Variants in ARFGEF1 observed in about 807,000 individuals in gnomAD.
ARFGEF1 encodes brefeldin A-inhibited guanine nucleotide-exchange protein 1.
ARFGEF1 carries 42 observed loss-of-function variants against 231.0 expected under a neutral mutation model. That is an observed-to-expected ratio of 0.18 (90% CI 0.14 to 0.24). The LOEUF is 0.24. Among genes scored for constraint, ARFGEF1 ranks in the 10% least tolerant of loss-of-function variants. ARFGEF1 has a pLI of 1.00. For missense variants in ARFGEF1, 1,345 were observed against 2,192.0 expected (o/e 0.61, Z 7.72); for synonymous variants, 710 against 732.3 (o/e 0.97, Z 0.49).
Position 67,198,869 on chromosome 8 carries a change from C to T in ARFGEF1, c.*65G>A. On this transcript the variant is annotated 3_prime_UTR_variant, in exon 39 of 39. Coordinates refer to ENST00000262215, the MANE Select transcript of ARFGEF1 (RefSeq NM_006421.5). ...AGAAATCATTTTTCAGGTAGGAAAC[C>T]TCAGCTCCAGCGTCCTTTTAAAGAG... 2 of 1,574,876 alleles carry T rather than the reference C, an allele frequency of 1.3e-6. No individual in the cohort carries two copies. Among genetic ancestry groups the T allele is most frequent in the Non-Finnish European group, 1.7e-6 (2 of 1,166,768 alleles).
chr8:67,294,595 A>G (rs1021699706), intron 5 of ARFGEF1, among the ~76,000 whole-genome samples: 6 of 152,192 alleles, frequency 3.9e-5, no homozygotes, highest in Non-Finnish European at 8.8e-5. Flanking sequence ...TACAAAAGCC[A>G]TATTTCTCAT....
At position 67,284,786 on chromosome 8, in the gene ARFGEF1, T is replaced by C. The variant is rs183487462; in HGVS notation, c.1027+3169A>G. ...CTGCAAGTAAGGACATCTCAGCAGC[T>C]AGCAACAAGAGCATCTTGTAACCAA... On this transcript the variant is annotated intron_variant, in intron 7 of 38. Coordinates refer to ENST00000262215, the MANE Select transcript of ARFGEF1 (RefSeq NM_006421.5). Among the ~76,000 whole-genome samples the C allele has an allele frequency of 1.6e-3, 237 of 152,310 alleles. 1 individual carries two copies. Among genetic ancestry groups the C allele is most frequent in the African/African-American group, 5.3e-3 (222 of 41,562 alleles).
At chr8:67,308,399 G>C (rs1389269844) in intron 1 of ARFGEF1, among the ~76,000 whole-genome samples, 3 of 152,210 alleles carry the variant, frequency 2.0e-5, no homozygotes, top group Non-Finnish European at 4.4e-5. Flanking sequence ...GGTACAAAAG[G>C]ATTGCCAGGA....
intron 1 of ARFGEF1, among the ~76,000 whole-genome samples, chr8:67,325,848 C>T (rs1330989863): frequency 6.6e-6 from 1 of 152,144 alleles, no homozygotes; most frequent in East Asian, 1.9e-4. Context: ...GGAATAAGCA[C>T]AAATTTTAGC....
chr8:67,217,660 C>T (rs1838983846), intron 32 of ARFGEF1, 122 bp downstream of exon 32: 1 of 1,057,816 alleles, frequency 9.5e-7, no homozygotes, highest in African/African-American at 1.6e-5. Flanking sequence ...AAGAGTAAGA[C>T]AAGCTTAAAA....
At chr8:67,186,528 G>A (rs187704089) in intron 5 of ARFGEF1, among the ~76,000 whole-genome samples, 6 of 151,886 alleles carry the variant, frequency 4.0e-5, no homozygotes, top group Admixed American at 1.3e-4. Flanking sequence ...TTGGAATAGA[G>A]GGGGAACTTC....
intron 7 of ARFGEF1, among the ~76,000 whole-genome samples, chr8:67,278,316 G>A (rs77120205): frequency 0.024 from 3,695 of 152,050 alleles, 166 homozygotes; most frequent in African/African-American, 0.084. Context: ...TCTTTGCCTG[G>A]GTTTCTTCAT....
intron 34 of ARFGEF1, among the ~76,000 whole-genome samples, chr8:67,210,352 T>C (rs1356613675): frequency 1.4e-5 from 2 of 147,484 alleles, no homozygotes; most frequent in Non-Finnish European, 3.0e-5. Context: ...TGATGAGGTG[T>C]GCCTGTAGTC....
chr8:67,202,804 G>T (rs142144452), intron 36 of ARFGEF1, among the ~76,000 whole-genome samples: 3 of 152,278 alleles, frequency 2.0e-5, no homozygotes, highest in African/African-American at 7.2e-5. Context: ...TCATGCCAAT[G>T]AGTATCAACA....
At position 67,267,107 on chromosome 8, in the gene ARFGEF1, C is replaced by G; in HGVS notation, c.1796G>C (p.Gly599Ala). Residue 599 changes from glycine to alanine, a missense_variant, in exon 12 of 39, where the codon GGT becomes GCT. Physicochemically the swap from Gly to Ala is moderately conservative, Grantham distance 60. Transcript: ENST00000262215. Reference sequence around the variant, plus strand: ...AGTTCTTACCTGAACATTACTCATACCAAGTTCTTGACTGCCCCTTCCTTG... The same window carrying G: ...AGTTCTTACCTGAACATTACTCATAGCAAGTTCTTGACTGCCCCTTCCTTG... Reference protein sequence around the residue: ...IAQGRGSQELGMSNVQELSLR... With the variant: ...IAQGRGSQELAMSNVQELSLR... 1 of 1,612,946 alleles carries G rather than the reference C, an allele frequency of 6.2e-7. No individual in the cohort carries two copies. Among genetic ancestry groups the G allele is most frequent in the Non-Finnish European group, 8.5e-7 (1 of 1,179,652 alleles).
chr8:67,185,953 C>T (rs1834464086), intron 5 of ARFGEF1, among the ~76,000 whole-genome samples: 1 of 152,154 alleles, frequency 6.6e-6, no homozygotes. Context: ...TCTGTAGGTC[C>T]TTTGCACTTA....
intron 1 of ARFGEF1, among the ~76,000 whole-genome samples, chr8:67,335,514 C>A (rs1808303727): frequency 1.3e-5 from 2 of 152,106 alleles, no homozygotes; most frequent in South Asian, 4.1e-4. Context: ...TAAAAGCATA[C>A]AGACTGAGTA....
chr8:67,272,558 T>A (rs1000444390), intron 9 of ARFGEF1, among the ~76,000 whole-genome samples: 15 of 152,218 alleles, frequency 9.9e-5, no homozygotes, highest in African/African-American at 3.6e-4. Context: ...TGAAGATATA[T>A]GTTGTGTTCC....
rs34386557 is a variant in ARFGEF1 at position 67,319,502 on chromosome 8, C to CA, written c.125-17037dup. ...AGTGTTGGAATTAGACACCCATTTG[C>CA]AAAAAAAAAAAAAAAACTCTTGACC... is the stretch of plus-strand genomic sequence containing the variant. On this transcript the variant is annotated intron_variant, in intron 1 of 38. Transcript: ENST00000262215. 7.9e-3 allele frequency among the ~76,000 whole-genome samples: 818 copies of CA among 103,490 alleles called. 2 individuals carry two copies. The highest frequency in any genetic ancestry group is 0.012 in the African/African-American group (326 of 28,176). 67.9% of individuals were successfully genotyped at this position (103,490 alleles called of 152,430 possible). A position where few individuals can be genotyped will look rare whatever the true frequency, so the allele number is the denominator to read the frequency against.
intron 34 of ARFGEF1, among the ~76,000 whole-genome samples, chr8:67,209,879 A>G (rs917202454): frequency 8.6e-5 from 13 of 151,814 alleles, no homozygotes; most frequent in African/African-American, 2.7e-4. Context: ...CCTGCCGGGC[A>G]CGGTGGCTCA....
At chr8:67,174,917 G>T (rs945319498), downstream of ARFGEF1, 1 of 178,564 alleles carries the variant, frequency 5.6e-6, no homozygotes, top group Non-Finnish European at 1.2e-5. Flanking sequence ...GAGATCAGCC[G>T]TGATTACAGT....
intron 37 of ARFGEF1, among the ~76,000 whole-genome samples, chr8:67,201,195 C>T (rs566220873): frequency 6.6e-6 from 1 of 151,912 alleles, no homozygotes; most frequent in Admixed American, 6.5e-5. Flanking sequence ...ATGGGACTAT[C>T]TTATGACATT....
In ARFGEF1 at chr8:67,258,178, A is replaced by G. The variant is rs1336520096; in HGVS notation, c.2348T>C (p.Met783Thr). ...TGGAAGACGAAATCCTTCTAGAAAC[A>G]TACGAAGGGCTGAAACGAAGTCTTT... is the stretch of plus-strand genomic sequence containing the variant. ...SGKDFVSALR[M>T]FLEGFRLPGE... Residue 783 changes from methionine (M) to threonine (T), a missense_variant, in exon 16 of 39, where the codon ATG becomes ACG. By Grantham distance (81) the Met-to-Thr change is moderately conservative (BLOSUM62 -1). Coordinates refer to ENST00000262215, the MANE Select transcript of ARFGEF1 (RefSeq NM_006421.5). The G allele has an allele frequency of 1.9e-6, 3 of 1,613,198 alleles. No individual in the cohort carries two copies. Among genetic ancestry groups the G allele is most frequent in the African/African-American group, 1.3e-5 (1 of 74,930 alleles).
chr8:67,197,293 A>AT (rs1394066345), downstream of ARFGEF1, among the ~76,000 whole-genome samples: 4 of 151,412 alleles, frequency 2.6e-5, no homozygotes, highest in South Asian at 4.2e-4. Flanking sequence ...AAAAAAAAAA[A>AT]TTTTTTTTTA....
Sources: allele counts gnomAD v4.1 joint callset (sites outside exome capture counted in the v4.1 genomes callset), GRCh38; gene constraint gnomAD v4.1.1; transcripts MANE v1.5; gene names NCBI Gene and HGNC (gene_info 2026-07-23, HGNC 2026-07-21).